UQCC1: variants seen among roughly 807,000 people sequenced by gnomAD.
UQCC1 encodes ubiquinol-cytochrome c reductase complex assembly factor 1.
In UQCC1, 38 loss-of-function variants were observed where a neutral mutation model predicts 48.0. The observed-to-expected ratio is 0.79, with a 90% confidence interval of 0.61 to 1.04. The LOEUF (loss-of-function observed/expected upper bound fraction) is 1.04. UQCC1 is among the 50% of genes least tolerant of loss of function. The pLI is 0.00. For missense variants in UQCC1, 368 were observed against 381.8 expected, an observed-to-expected ratio of 0.96 and a Z score of 0.30; for synonymous variants, 111 against 129.2, an observed-to-expected ratio of 0.86 and a Z score of 0.95.
At chr20:35,314,637 C>CT (rs1369728564) in intron 8 of UQCC1, 51 bp downstream of exon 8, 1 of 1,521,684 alleles carries the variant, frequency 6.6e-7, no homozygotes, top group African/African-American at 1.4e-5. Flanking sequence ...CATCAAAAGC[C>CT]TTTGCTGGGG....
At chr20:35,325,488 G>C (rs6120904) in intron 7 of UQCC1, among the ~76,000 whole-genome samples, 5 of 152,170 alleles carry the variant, frequency 3.3e-5, no homozygotes, top group African/African-American at 1.2e-4. Flanking sequence ...GGTATCATGA[G>C]CTAACTGATG....
At chr20:35,381,329 C>A (rs1417284170) in intron 4 of UQCC1, among the ~76,000 whole-genome samples, 1 of 152,074 alleles carries the variant, frequency 6.6e-6, no homozygotes, top group East Asian at 1.9e-4. Flanking sequence ...AAGAATGTTG[C>A]CAATCAGAAC....
intron 1 of UQCC1, among the ~76,000 whole-genome samples, chr20:35,396,379 A>G (rs189800342): frequency 6.8e-6 from 1 of 146,584 alleles, no homozygotes; most frequent in Non-Finnish European, 1.5e-5. Flanking sequence ...ATTGCACACT[A>G]CAGCCTCAAA....
intron 2 of UQCC1, among the ~76,000 whole-genome samples, chr20:35,391,495 ATACT>A (rs1431712608): frequency 4.6e-5 from 7 of 152,034 alleles, no homozygotes; most frequent in African/African-American, 1.7e-4. Context: ...GTCATGGCAC[ATACT>A]TGTAATCCCA....
At chr20:35,382,049 C>A (rs1054858255) in intron 3 of UQCC1, 24 bp from the exon 4 acceptor site, 1 of 1,523,910 alleles carries the variant, frequency 6.6e-7, no homozygotes, top group Non-Finnish European at 8.9e-7. Flanking sequence ...AAGAAAAAAA[C>A]TAAAATTAGT....
rs67663221 is a variant in UQCC1 at position 35,388,308 on chromosome 20, T to TTTTTTTTTTTTGG, written c.130-4176_130-4175insCCAAAAAAAAAAA. Among the ~76,000 whole-genome samples, 3 of 121,248 alleles carry TTTTTTTTTTTTGG rather than the reference T, an allele frequency of 2.5e-5. 1 individual carries two copies. Among genetic ancestry groups the TTTTTTTTTTTTGG allele is most frequent in the Non-Finnish European group, 1.7e-5 (1 of 60,396 alleles). The allele number at this position is 121,248 out of a possible 152,430, so 79.5% of individuals were successfully genotyped here. A position where few individuals can be genotyped will look rare whatever the true frequency, so the allele number is the denominator to read the frequency against. On this transcript the variant is annotated intron_variant, in intron 2 of 9. Coordinates refer to ENST00000374385, the MANE Select transcript of UQCC1 (RefSeq NM_018244.5). ...TTCTATTTCTTTTTTTCTTTTTTTTTGAGACAGGGTCTTGCTCTGTCACCC... is the reference window on the plus strand; with the variant it reads ...TTCTATTTCTTTTTTTCTTTTTTTTTTTTTTTTTTTTGGGAGACAGGGTCTTGCTCTGTCACCC...
chr20:35,409,345 C>T (rs1230354509), intron 1 of UQCC1: 2 of 153,426 alleles, frequency 1.3e-5, no homozygotes, highest in African/African-American at 4.8e-5. Context: ...TGGCACGTGC[C>T]TGTAATCCCA....
At chr20:35,384,657 AAAAAAAG>A in intron 2 of UQCC1, 1 of 452,890 alleles carries the variant, frequency 2.2e-6, no homozygotes, top group South Asian at 1.6e-5. Context: ...GTAAAAAAAA[AAAAAAAG>A]AGAGAGAGAG....
rs148931340 is a variant in UQCC1, at chr20:35,368,280, C to T, written c.407-1666G>A. 1.8e-3 allele frequency among the ~76,000 whole-genome samples: 268 copies of T among 152,264 alleles called. 6 individuals carry two copies. In the East Asian group the frequency reaches 0.038, roughly 22 times the overall value. Reference sequence around the variant, plus strand: ...AATAATAAAGAGCTGTAATTCACTGCGGGCTTACTATGTGCCAGATGTTCT... The same window carrying T: ...AATAATAAAGAGCTGTAATTCACTGTGGGCTTACTATGTGCCAGATGTTCT... On this transcript the variant is annotated intron_variant, in intron 5 of 9. Transcript: ENST00000374385.
At chr20:35,401,392 C>A (rs185820680) in intron 1 of UQCC1, among the ~76,000 whole-genome samples, 1 of 152,004 alleles carries the variant, frequency 6.6e-6, no homozygotes, top group Non-Finnish European at 1.5e-5. Flanking sequence ...CACAAAAATA[C>A]GAAAAATATG....
intron 8 of UQCC1, 138 bp from the exon 9 acceptor site, chr20:35,306,917 G>A: frequency 1.4e-6 from 1 of 719,656 alleles, no homozygotes; most frequent in Non-Finnish European, 2.5e-6. Context: ...AAATGGGGCA[G>A]TCACACAGTA....
At chr20:35,354,640 C>T (rs963501878) in intron 6 of UQCC1, among the ~76,000 whole-genome samples, 4 of 151,834 alleles carry the variant, frequency 2.6e-5, no homozygotes, top group African/African-American at 9.7e-5. Flanking sequence ...CTTGATCCGC[C>T]CACCTTGGCC....
chr20:35,407,917 G>A (rs1399444637), intron 1 of UQCC1, among the ~76,000 whole-genome samples: 2 of 152,212 alleles, frequency 1.3e-5, no homozygotes, highest in Non-Finnish European at 2.9e-5. Context: ...AGCTACTTGG[G>A]AGGCTGAGGC....
chr20:35,358,195 A>G (rs2061567241), intron 6 of UQCC1, among the ~76,000 whole-genome samples: 1 of 151,854 alleles, frequency 6.6e-6, no homozygotes, highest in Admixed American at 6.6e-5. Flanking sequence ...CTCTACTAAA[A>G]ATACAAAAAT....
intron 4 of UQCC1, among the ~76,000 whole-genome samples, chr20:35,377,305 C>CA (rs2061813411): frequency 6.6e-6 from 1 of 151,962 alleles, no homozygotes; most frequent in Non-Finnish European, 1.5e-5. Context: ...ATCAACAGAC[C>CA]AAAAAAAGCC....
At chr20:35,395,786 G>T (rs1464029085) in intron 1 of UQCC1, among the ~76,000 whole-genome samples, 1 of 151,950 alleles carries the variant, frequency 6.6e-6, no homozygotes, top group Non-Finnish European at 1.5e-5. Flanking sequence ...ATGGGACCAA[G>T]ACCAAGCCTC....
chr20:35,365,693 C>A (rs6142356), intron 6 of UQCC1, among the ~76,000 whole-genome samples: 2 of 151,436 alleles, frequency 1.3e-5, no homozygotes, highest in South Asian at 4.2e-4. Flanking sequence ...AAACTGCCAC[C>A]TTAGGCCCCT....
chr20:35,372,637 A>G (rs1278248291), intron 5 of UQCC1, among the ~76,000 whole-genome samples: 1 of 152,200 alleles, frequency 6.6e-6, no homozygotes, highest in African/African-American at 2.4e-5. Flanking sequence ...AGACTAAGGC[A>G]GGTGGATCAT....
At chr20:35,331,339 A>G (rs1270883368) in intron 7 of UQCC1, among the ~76,000 whole-genome samples, 2 of 152,020 alleles carry the variant, frequency 1.3e-5, no homozygotes, top group Admixed American at 6.6e-5. Flanking sequence ...CAAAAGTCCA[A>G]CACCAAAAAT....
Sources: gnomAD v4.1 joint callset for allele counts (sites outside exome capture counted in the v4.1 genomes callset) on GRCh38, gnomAD v4.1.1 for gene constraint, MANE v1.5 for transcripts, NCBI Gene and HGNC (gene_info 2026-07-23, HGNC 2026-07-21) for gene names.